The following DYNC2H1 variants were observed in gnomAD, a reference collection of about 807,000 sequenced individuals.
DYNC2H1 encodes cytoplasmic dynein 2 heavy chain 1.
A neutral mutation model predicts 570.0 loss-of-function variants in DYNC2H1; 410 were observed. The ratio of observed to expected loss-of-function variants is 0.72; its 90% confidence interval spans 0.66 to 0.78. DYNC2H1 has a LOEUF of 0.78. DYNC2H1 is among the 30% of genes least tolerant of loss of function. The probability of loss-of-function intolerance (pLI) is 0.00; values close to 1 mark genes in which losing one functional copy is unlikely to be tolerated. For synonymous variants in DYNC2H1, 1,688 were observed against 1,677.6 expected (o/e 1.01, Z -0.15); for missense variants, 4,865 against 5,046.4 (o/e 0.96, Z 1.09).
At chr11:103,146,695 T>C (rs900935845) in intron 18 of DYNC2H1, among the ~76,000 whole-genome samples, 1 of 150,580 alleles carries the variant, frequency 6.6e-6, no homozygotes, top group Non-Finnish European at 1.5e-5. Context: ...CCCTGCCTTC[T>C]GGGTTCAAGC....
At chr11:103,229,386 A>G (rs1863921465) in intron 59 of DYNC2H1, among the ~76,000 whole-genome samples, 1 of 152,042 alleles carries the variant, frequency 6.6e-6, no homozygotes, top group Non-Finnish European at 1.5e-5. Flanking sequence ...TCTTAATCCT[A>G]ATTGACTTAT....
chr11:103,426,917 AGTTAT>A (rs1384602518), intron 84 of DYNC2H1, among the ~76,000 whole-genome samples: 1 of 152,206 alleles, frequency 6.6e-6, no homozygotes, highest in African/African-American at 2.4e-5. Flanking sequence ...TTGCATTAGT[AGTTAT>A]GTTTAAATAA....
intron 84 of DYNC2H1, among the ~76,000 whole-genome samples, chr11:103,421,170 A>C (rs1268448492): frequency 6.6e-6 from 1 of 152,212 alleles, no homozygotes; most frequent in Non-Finnish European, 1.5e-5. Flanking sequence ...ATTCAACATG[A>C]AGAGCTAACT....
At chr11:103,171,780 C>T (rs1168408381) in intron 34 of DYNC2H1, among the ~76,000 whole-genome samples, 1 of 152,064 alleles carries the variant, frequency 6.6e-6, no homozygotes, top group East Asian at 1.9e-4. Flanking sequence ...AGAAGTGGAG[C>T]TAGGAATTGA....
chr11:103,364,617 G>A (rs75833109), intron 83 of DYNC2H1, among the ~76,000 whole-genome samples: 1 of 144,322 alleles, frequency 6.9e-6, no homozygotes, highest in Admixed American at 6.9e-5. Context: ...TTTTTTTTAA[G>A]CAGGTAGTCA....
intron 87 of DYNC2H1, among the ~76,000 whole-genome samples, chr11:103,462,223 C>CTTCCTTATGTTAGTAAACTTTT (rs1945039646): frequency 6.6e-6 from 1 of 152,098 alleles, no homozygotes; most frequent in Non-Finnish European, 1.5e-5. Flanking sequence ...CATCTGCTTG[C>CTTCCTTATGTTAGTAAACTTTT]TTCCTTATGT....
Position 103,439,200 on chromosome 11 carries a change from G to T in DYNC2H1, c.12456+3168G>T, listed in dbSNP as rs1217870304. The stretch of plus-strand genomic sequence containing the variant: ...GCAAATAGCACTATTTAACCTAGAA[G>T]GGGTCAGAGAAGTGCTGCCTAAGCT... On this transcript the variant is annotated intron_variant, in intron 85 of 88. Transcript: ENST00000375735. The surrounding 1 kb of genome is among the most constrained non-coding windows in gnomAD (Gnocchi z 4.1). 6.6e-6 allele frequency among the ~76,000 whole-genome samples: 1 copy of T among 152,072 alleles called. No homozygotes were observed. Among genetic ancestry groups the T allele is most frequent in the Non-Finnish European group, 1.5e-5 (1 of 68,018 alleles).
rs149515481 is a variant in DYNC2H1 at position 103,318,946 on chromosome 11, G to A, written c.11726-2083G>A. Among the ~76,000 whole-genome samples, 386 of 151,998 alleles carry A rather than the reference G, an allele frequency of 2.5e-3. 3 individuals carry two copies. Among genetic ancestry groups the A allele is most frequent in the African/African-American group, 8.9e-3 (370 of 41,476 alleles). On this transcript the variant is annotated intron_variant, in intron 80 of 88. Transcript: ENST00000375735. ...ACTACTTTCCTGCACTACGTGAACT[G>A]TTGTTTTTAATATTTGACACAGATT...
chr11:103,303,086 A>C lies in DYNC2H1; in HGVS notation c.11096-7A>C. ...TTTATTTTTAATTTTTAAAATATAT[A>C]TTTTAGGACTGAAAGAGGTGTCCCC... On this transcript the variant is annotated splice_polypyrimidine_tract_variant and splice_region_variant and intron_variant, in intron 75 of 88. Transcript: ENST00000375735. The C allele has an allele frequency of 1.4e-6, 2 of 1,467,376 alleles. No homozygotes were observed. The highest frequency in any genetic ancestry group is 1.8e-6 in the Non-Finnish European group (2 of 1,108,700). 90.9% of individuals were successfully genotyped at this position (1,467,376 alleles called of 1,614,324 possible). A position where few individuals can be genotyped will look rare whatever the true frequency, so the allele number is the denominator to read the frequency against.
chr11:103,475,167 T>C (rs1369792550), intron 88 of DYNC2H1, among the ~76,000 whole-genome samples: 3 of 152,216 alleles, frequency 2.0e-5, no homozygotes, highest in Non-Finnish European at 4.4e-5. Context: ...AATAAAGATA[T>C]GGTTTATGAA....
chr11:103,475,546 T>C (rs140932901), intron 88 of DYNC2H1, among the ~76,000 whole-genome samples: 223 of 152,296 alleles, frequency 1.5e-3, no homozygotes, highest in Middle Eastern at 3.4e-3. Flanking sequence ...CATTTATTTA[T>C]TGGAGACTTA....
intron 83 of DYNC2H1, among the ~76,000 whole-genome samples, chr11:103,396,723 TCTTG>T (rs1477890580): frequency 6.6e-6 from 1 of 152,320 alleles, no homozygotes; most frequent in Non-Finnish European, 1.5e-5. Context: ...AAATGAGTTT[TCTTG>T]CTTAATAGTT....
chr11:103,470,695 T>C (rs1264689930), intron 88 of DYNC2H1, among the ~76,000 whole-genome samples: 1 of 152,206 alleles, frequency 6.6e-6, no homozygotes, highest in Non-Finnish European at 1.5e-5. Flanking sequence ...GATAGTTTGC[T>C]GAGAATGATG....
intron 84 of DYNC2H1, among the ~76,000 whole-genome samples, chr11:103,417,592 G>A (rs3133275): frequency 0.5 from 76,388 of 151,822 alleles, 19,450 homozygotes; most frequent in African/African-American, 0.59. Context: ...AAATTGATCC[G>A]TGTTGGCCAG....
chr11:103,312,095 T>C (rs1867616815), intron 79 of DYNC2H1, 62 bp downstream of exon 79: 2 of 1,538,774 alleles, frequency 1.3e-6, no homozygotes, highest in Non-Finnish European at 8.8e-7. Flanking sequence ...TAAAATATTT[T>C]TGTGGCCAGG....
At chr11:103,296,034 C>A (rs1866809630) in intron 75 of DYNC2H1, among the ~76,000 whole-genome samples, 1 of 152,154 alleles carries the variant, frequency 6.6e-6, no homozygotes, top group African/African-American at 2.4e-5. Context: ...TCACTTTCCT[C>A]CCCTACGCAC....
chr11:103,179,225 C>G lies in DYNC2H1; in HGVS notation c.6339C>G (p.Ile2113Met), dbSNP rs755173025. The G allele has an allele frequency of 6.2e-7, 1 of 1,612,574 alleles. No homozygotes were observed. The highest frequency in any genetic ancestry group is 1.1e-5 in the South Asian group (1 of 91,032). ...CCACAATATCTAGAATGGGAATGAT[C>G]TTTCTTAGGTAAGCCATAGATTATT... is the stretch of plus-strand genomic sequence containing the variant. ...SPATISRMGM[I>M]FLSDEETDLN... is the part of the protein sequence containing the mutation. The change falls in exon 39 of 89, where the codon ATC becomes ATG. Residue 2113 changes from isoleucine (I) to methionine (M), a missense_variant. Physicochemically the swap from Ile to Met is conservative, Grantham distance 10. This residue lies in a region of DYNC2H1 where 231 missense variants were observed against 310.3 expected (regional missense o/e 0.74). Transcript: ENST00000375735.
intron 75 of DYNC2H1, among the ~76,000 whole-genome samples, chr11:103,293,109 T>C (rs1866680021): frequency 6.6e-6 from 1 of 152,246 alleles, no homozygotes; most frequent in Admixed American, 6.5e-5. Flanking sequence ...GTTCTGGTGT[T>C]GGTGACATTT....
chr11:103,391,126 A>C (rs1448026960), intron 83 of DYNC2H1, among the ~76,000 whole-genome samples: 1 of 152,208 alleles, frequency 6.6e-6, no homozygotes, highest in Non-Finnish European at 1.5e-5. Context: ...CATCAGTTTC[A>C]GGTACGCCAA....
Sources: allele counts gnomAD v4.1 joint callset (sites outside exome capture counted in the v4.1 genomes callset), GRCh38; gene constraint gnomAD v4.1.1; regional missense constraint gnomAD v4.1.1; non-coding constraint Gnocchi (gnomAD v3.1); transcripts MANE v1.5; gene names NCBI Gene and HGNC (gene_info 2026-07-23, HGNC 2026-07-21).